ASTN1: variants seen among roughly 807,000 people sequenced by gnomAD.
ASTN1 encodes astrotactin 1.
In ASTN1, 41 loss-of-function variants were observed where a neutral mutation model predicts 140.7. That is an observed-to-expected ratio of 0.29 (90% confidence interval 0.23 to 0.38). ASTN1 has a LOEUF of 0.38. ASTN1 is among the 10% of genes least tolerant of loss of function. ASTN1 has a pLI of 1.00. For synonymous variants in ASTN1, 640 were observed against 652.2 expected, an observed-to-expected ratio of 0.98 and a Z score of 0.29; for missense variants, 1,479 against 1,678.8, an observed-to-expected ratio of 0.88 and a Z score of 2.08.
At chr1:176,962,699 T>A (rs540942258) in intron 9 of ASTN1, among the ~76,000 whole-genome samples, 1 of 152,214 alleles carries the variant, frequency 6.6e-6, no homozygotes, top group Non-Finnish European at 1.5e-5. Context: ...CAGGTTAGAA[T>A]CACCATGATG....
intron 14 of ASTN1, among the ~76,000 whole-genome samples, chr1:176,941,705 T>C (rs1405337554): frequency 6.6e-6 from 1 of 152,226 alleles, no homozygotes; most frequent in South Asian, 2.1e-4. Flanking sequence ...GGCTATCTCA[T>C]AACTGAAGTA....
intron 1 of ASTN1, among the ~76,000 whole-genome samples, chr1:177,126,790 C>T (rs1345910026): frequency 6.6e-6 from 1 of 152,120 alleles, no homozygotes; most frequent in East Asian, 1.9e-4. Context: ...CCTTGCCTTG[C>T]TATTAAAAGC....
chr1:177,109,421 T>TACAC (rs750685096), intron 1 of ASTN1, among the ~76,000 whole-genome samples: 1 of 150,540 alleles, frequency 6.6e-6, no homozygotes, highest in Non-Finnish European at 1.5e-5. Context: ...AAATCACACT[T>TACAC]ACACACACAC....
rs866568425 is a variant in ASTN1 at position 177,164,430 on chromosome 1, C to T, written c.247G>A (p.Asp83Asn). The T allele has an allele frequency of 1.2e-6, 2 of 1,612,728 alleles. No homozygotes were observed. Among genetic ancestry groups the T allele is most frequent in the African/African-American group, 1.3e-5 (1 of 74,978 alleles). Reference protein sequence around the residue: ...DFPGEMVVVDDLENTELPYFV... With the variant: ...DFPGEMVVVDNLENTELPYFV... ...TAGGGCAGCTCCGTGTTCTCCAGGT[C>T]GTCCACCACGACCATTTCTCCCGGG... The change falls in exon 1 of 23, where the codon GAC (aspartate) becomes AAC (asparagine). Residue 83 changes from aspartate to asparagine, a missense_variant. Asp to Asn is a conservative substitution (Grantham distance 23). Transcript: ENST00000361833.
At chr1:177,119,415 T>C (rs1681265250) in intron 1 of ASTN1, among the ~76,000 whole-genome samples, 1 of 152,164 alleles carries the variant, frequency 6.6e-6, no homozygotes, top group African/African-American at 2.4e-5. Flanking sequence ...ACTTCCCCTA[T>C]AATATTCTCT....
intron 1 of ASTN1, among the ~76,000 whole-genome samples, chr1:177,089,165 GCC>G (rs1558087314): frequency 3.9e-5 from 6 of 152,114 alleles, no homozygotes; most frequent in Non-Finnish European, 7.3e-5. Context: ...AGAAGCTGAC[GCC>G]CTAATCTCAT....
At chr1:176,967,796 G>A (rs1300306210) in intron 8 of ASTN1, among the ~76,000 whole-genome samples, 2 of 152,142 alleles carry the variant, frequency 1.3e-5, no homozygotes, top group Non-Finnish European at 2.9e-5. Context: ...TCCTGCTCTT[G>A]AGGGGCCTGA....
intron 8 of ASTN1, among the ~76,000 whole-genome samples, chr1:176,970,664 G>A (rs1673104665): frequency 6.6e-6 from 1 of 151,932 alleles, no homozygotes; most frequent in Middle Eastern, 3.2e-3. Context: ...AAAGTAGGGA[G>A]ATAAGCAGAG....
intron 16 of ASTN1, among the ~76,000 whole-genome samples, chr1:176,921,213 T>C (rs1027484577): frequency 6.6e-6 from 1 of 152,236 alleles, no homozygotes; most frequent in East Asian, 1.9e-4. Context: ...ATTTTTCTTA[T>C]ATATTTGTAT....
rs140607408 is a variant in ASTN1, at chr1:177,034,423, C to T, written c.472-1574G>A. Among the ~76,000 whole-genome samples the T allele has an allele frequency of 9.7e-3, 1,481 of 152,194 alleles. 24 individuals carry two copies. Among genetic ancestry groups the T allele is most frequent in the African/African-American group, 0.032 (1,336 of 41,514 alleles). ...TGGTTTTCAATTATTTCTTTTTTTG[C>T]AGAACCCTTTCTCCTGGTGCAAGCT... On this transcript the variant is annotated intron_variant, in intron 2 of 22. Transcript: ENST00000361833.
intron 8 of ASTN1, among the ~76,000 whole-genome samples, chr1:176,986,766 C>T (rs1673927662): frequency 6.6e-6 from 1 of 152,070 alleles, no homozygotes; most frequent in East Asian, 1.9e-4. Context: ...TGCCATTCAC[C>T]TTATTGGATA....
chr1:177,054,078 T>C (rs1350082982), intron 2 of ASTN1, among the ~76,000 whole-genome samples: 4 of 152,340 alleles, frequency 2.6e-5, no homozygotes, highest in African/African-American at 9.6e-5. Context: ...GTGCTCACTA[T>C]GGGTCAGGAG....
In ASTN1 at chr1:177,032,773, C is replaced by A. The variant is rs1332286807; in HGVS notation, c.548G>T (p.Arg183Leu). ...ILYTRRRWCK[R>L]RRVPQPQKSA... Reference sequence around the variant, plus strand: ...CTTCTGGGGCTGCGGGACCCGGCGGCGTTTGCACCAGCGCCGGCGAGTATA... The same window carrying A: ...CTTCTGGGGCTGCGGGACCCGGCGGAGTTTGCACCAGCGCCGGCGAGTATA... The change falls in exon 3 of 23, where the codon CGC (arginine) becomes CTC (leucine). Residue 183 changes from arginine (R) to leucine (L), a missense_variant. By Grantham distance (102) the Arg-to-Leu change is moderately radical (BLOSUM62 -2). Transcript: ENST00000361833. The A allele has an allele frequency of 6.2e-7, 1 of 1,613,282 alleles. No individual in the cohort carries two copies. The highest frequency in any genetic ancestry group is 8.5e-7 in the Non-Finnish European group (1 of 1,180,008).
chr1:177,099,456 T>C (rs1025833394), intron 1 of ASTN1, among the ~76,000 whole-genome samples: 3 of 152,116 alleles, frequency 2.0e-5, no homozygotes, highest in Non-Finnish European at 4.4e-5. Flanking sequence ...AGTTGTGATT[T>C]TGGACATAAG....
intron 2 of ASTN1, among the ~76,000 whole-genome samples, chr1:177,053,754 T>A (rs1261197919): frequency 3.3e-5 from 5 of 152,218 alleles, no homozygotes; most frequent in African/African-American, 1.2e-4. Context: ...TTCACAATTT[T>A]AGAGTTAGAA....
At chr1:176,942,034 G>C (rs1671737205) in intron 14 of ASTN1, among the ~76,000 whole-genome samples, 1 of 152,166 alleles carries the variant, frequency 6.6e-6, no homozygotes, top group Non-Finnish European at 1.5e-5. Flanking sequence ...ATTTTGAAGA[G>C]ATTTATTGCT....
chr1:176,871,487 T>A (rs1668342251), intron 21 of ASTN1, among the ~76,000 whole-genome samples: 1 of 152,130 alleles, frequency 6.6e-6, no homozygotes, highest in Non-Finnish European at 1.5e-5. Flanking sequence ...GAGGTGCCTA[T>A]CATTCTCATA....
At chr1:176,998,956 T>G (rs1013752489) in intron 8 of ASTN1, among the ~76,000 whole-genome samples, 3 of 152,212 alleles carry the variant, frequency 2.0e-5, no homozygotes, top group African/African-American at 7.2e-5. Flanking sequence ...AAAGAGGGGA[T>G]AGCCTCACAT....
At chr1:176,914,999 A>G (rs1417721057) in intron 16 of ASTN1, among the ~76,000 whole-genome samples, 1 of 152,220 alleles carries the variant, frequency 6.6e-6, no homozygotes, top group Non-Finnish European at 1.5e-5. Context: ...CAAATAGACA[A>G]AAAAATTTTC....
Sources: gnomAD v4.1 joint callset for allele counts (sites outside exome capture counted in the v4.1 genomes callset) on GRCh38, gnomAD v4.1.1 for gene constraint, MANE v1.5 for transcripts, NCBI Gene and HGNC (gene_info 2026-07-23, HGNC 2026-07-21) for gene names.